The following KCNU1 variants were observed in gnomAD, a reference collection of about 807,000 sequenced individuals.
The protein encoded by KCNU1 is potassium channel subfamily U member 1.
In KCNU1, 93 loss-of-function variants were observed where a neutral mutation model predicts 126.8. That is an observed-to-expected ratio of 0.73 (90% CI 0.62 to 0.87). The LOEUF (loss-of-function observed/expected upper bound fraction) is 0.87, where lower values mean the gene tolerates loss of function less well. Among genes scored for constraint, KCNU1 ranks in the 40% least tolerant of loss-of-function variants. The pLI is 0.00. For missense variants in KCNU1, 1,330 were observed against 1,367.1 expected (o/e 0.97, Z 0.43); for synonymous variants, 523 against 494.2 (o/e 1.06, Z -0.77).
intron 22 of KCNU1, among the ~76,000 whole-genome samples, chr8:36,917,579 C>T (rs1476199653): frequency 6.6e-6 from 1 of 151,780 alleles, no homozygotes; most frequent in African/African-American, 2.4e-5. Flanking sequence ...TTGTCCTGAA[C>T]TCCTAGACTC....
intron 18 of KCNU1, among the ~76,000 whole-genome samples, chr8:36,848,720 G>A (rs1311165073): frequency 6.6e-6 from 1 of 152,098 alleles, no homozygotes; most frequent in African/African-American, 2.4e-5. Context: ...TTCTTCTGCA[G>A]TCCTCTTGCA....
At chr8:36,837,940 T>G (rs907472354) in intron 14 of KCNU1, among the ~76,000 whole-genome samples, 3 of 152,214 alleles carry the variant, frequency 2.0e-5, no homozygotes, top group African/African-American at 7.2e-5. Context: ...TCAGTACAAA[T>G]ATTTGCATCT....
chr8:36,926,091 T>C (rs112534138), intron 24 of KCNU1, among the ~76,000 whole-genome samples: 13 of 152,270 alleles, frequency 8.5e-5, no homozygotes, highest in African/African-American at 3.1e-4. Flanking sequence ...AAGAGTAACA[T>C]CTCACAAGCA....
intron 10 of KCNU1, among the ~76,000 whole-genome samples, chr8:36,820,210 A>G (rs1197195440): frequency 6.6e-6 from 1 of 152,170 alleles, no homozygotes; most frequent in Non-Finnish European, 1.5e-5. Flanking sequence ...GCCAACCTAC[A>G]AAATCATGAA....
At chr8:36,900,604 A>G (rs1807377473) in intron 19 of KCNU1, among the ~76,000 whole-genome samples, 1 of 152,092 alleles carries the variant, frequency 6.6e-6, no homozygotes, top group Non-Finnish European at 1.5e-5. Context: ...TACAGAAGTC[A>G]TCAGAATTGA....
intron 19 of KCNU1, among the ~76,000 whole-genome samples, chr8:36,897,763 C>A (rs973201022): frequency 2.6e-5 from 4 of 152,070 alleles, no homozygotes; most frequent in Non-Finnish European, 4.4e-5. Flanking sequence ...ACACTAATCA[C>A]ATCTTCTTGT....
At position 36,922,528 on chromosome 8, in the gene KCNU1, G is replaced by A. The variant is rs368253838; in HGVS notation, c.2635G>A (p.Gly879Arg). Residue 879 changes from glycine (G) to arginine (R), a missense_variant, in exon 24 of 27, where the codon GGA (glycine) becomes AGA (arginine). By Grantham distance (125) the Gly-to-Arg change is moderately radical. This residue lies in a region of KCNU1 where 1,054 missense variants were observed against 1,053.9 expected (regional missense o/e 1.00). Coordinates refer to ENST00000399881, the MANE Select transcript of KCNU1 (RefSeq NM_001031836.3). ...SNIHFIEQLG[G>R]LEGSLQETNL... ...CATTCACTTTATTGAACAGCTTGGT[G>A]GACTGGAAGGGTCCCTCCAAGAAAC... 7.9e-5 allele frequency: 128 copies of A among 1,613,416 alleles called. 1 individual carries two copies. Among genetic ancestry groups the A allele is most frequent in the Non-Finnish European group, 1.1e-4 (124 of 1,179,698 alleles).
chr8:36,905,124 G>A (rs1807572857), intron 19 of KCNU1, among the ~76,000 whole-genome samples: 1 of 152,112 alleles, frequency 6.6e-6, no homozygotes, highest in Non-Finnish European at 1.5e-5. Context: ...AGTGTGGGGT[G>A]ACCATGGGGA....
chr8:36,792,739 T>C (rs943888173), intron 2 of KCNU1, among the ~76,000 whole-genome samples: 3 of 152,156 alleles, frequency 2.0e-5, no homozygotes, highest in African/African-American at 7.2e-5. Context: ...AGCTAAAATA[T>C]AAGAATGTGT....
chr8:36,790,863 A>G (rs1430888080), intron 2 of KCNU1, among the ~76,000 whole-genome samples: 2 of 152,116 alleles, frequency 1.3e-5, no homozygotes, highest in Non-Finnish European at 2.9e-5. Context: ...TACTTATATG[A>G]AAATCCCCCC....
chr8:36,900,808 G>A (rs1033233111), intron 19 of KCNU1, among the ~76,000 whole-genome samples: 2 of 152,084 alleles, frequency 1.3e-5, no homozygotes, highest in African/African-American at 4.8e-5. Flanking sequence ...TCACAATGGA[G>A]TTTTCAAAAG....
chr8:36,857,909 G>T (rs1005568861), intron 18 of KCNU1, among the ~76,000 whole-genome samples: 1 of 152,012 alleles, frequency 6.6e-6, no homozygotes, highest in South Asian at 2.1e-4. Flanking sequence ...GCCTCCCAAA[G>T]TGCTGGGATT....
chr8:36,793,629 A>T (rs1230321666), intron 2 of KCNU1, among the ~76,000 whole-genome samples: 1 of 152,184 alleles, frequency 6.6e-6, no homozygotes, highest in African/African-American at 2.4e-5. Flanking sequence ...TATTGGAAAC[A>T]ATATTTGTTA....
At chr8:36,910,481 G>A (rs1284733378) in intron 21 of KCNU1, among the ~76,000 whole-genome samples, 3 of 151,476 alleles carry the variant, frequency 2.0e-5, no homozygotes, top group African/African-American at 4.8e-5. Context: ...ACCAAAGAAA[G>A]AAGCGACTGC....
intron 2 of KCNU1, among the ~76,000 whole-genome samples, chr8:36,787,847 A>G (rs901928353): frequency 3.7e-5 from 5 of 133,872 alleles, no homozygotes; most frequent in East Asian, 2.3e-4. Flanking sequence ...AAATAGTAAT[A>G]TATATTGACT....
Position 36,922,682 on chromosome 8 carries a change from T to G in KCNU1, c.2736+53T>G, listed in dbSNP as rs1363182742. 3.2e-6 allele frequency: 5 copies of G among 1,578,970 alleles called. 1 individual carries two copies. The highest frequency in any genetic ancestry group is 2.1e-4 in the Middle Eastern group (1 of 4,790). ...CAAAACCAAGCCCTCTGCAGAGAAG[T>G]GAACAGGTAGTATAAGGCTGAGTAG... On this transcript the variant is annotated intron_variant, in intron 24 of 26. Transcript: ENST00000399881.
At chr8:36,838,623 G>C (rs181744422) in intron 14 of KCNU1, among the ~76,000 whole-genome samples, 1 of 152,218 alleles carries the variant, frequency 6.6e-6, no homozygotes, top group African/African-American at 2.4e-5. Flanking sequence ...CTTGAACCCA[G>C]GAGGTGGGGG....
rs571994191 is a variant in KCNU1, at chr8:36,883,356, A to G, written c.2009+18835A>G. Among the ~76,000 whole-genome samples the G allele has an allele frequency of 7.2e-5, 11 of 152,322 alleles. 1 individual carries two copies. The South Asian group carries it at 2.1e-3, about 29-fold the overall frequency. On this transcript the variant is annotated intron_variant, in intron 19 of 26. Transcript: ENST00000399881. ...TTCCAGGCTAAATCCCCTATCTGTG[A>G]AATTAGAGAGAAAATGAGACATAAT...
chr8:36,909,568 T>A, intron 21 of KCNU1, 33 bp downstream of exon 21: 1 of 1,217,466 alleles, frequency 8.2e-7, no homozygotes, highest in Non-Finnish European at 1.2e-6. Context: ...TTAATATTTA[T>A]AAGGATTTCA....
Sources: gnomAD v4.1 joint callset for allele counts (sites outside exome capture counted in the v4.1 genomes callset) on GRCh38, gnomAD v4.1.1 for gene constraint, gnomAD v4.1.1 regional missense constraint, MANE v1.5 for transcripts, NCBI Gene and HGNC (gene_info 2026-07-23, HGNC 2026-07-21) for gene names.